GABRG3: variants seen among roughly 807,000 people sequenced by gnomAD.
The protein encoded by GABRG3 is gamma-aminobutyric acid type A receptor subunit gamma3.
A neutral mutation model predicts 48.8 loss-of-function variants in GABRG3; 25 were observed. The observed-to-expected ratio is 0.51, with a 90% CI of 0.37 to 0.72. GABRG3 has a LOEUF of 0.72. GABRG3 is among the 30% of genes least tolerant of loss of function. The pLI, the probability that GABRG3 is intolerant of heterozygous loss-of-function variation, is 0.00. For synonymous variants in GABRG3, 227 were observed against 217.6 expected, an observed-to-expected ratio of 1.04 and a Z score of -0.38; for missense variants, 394 against 577.9, an observed-to-expected ratio of 0.68 and a Z score of 3.26.
chr15:27,247,361 G>C (rs1404812413), intron 3 of GABRG3, among the ~76,000 whole-genome samples: 3 of 152,054 alleles, frequency 2.0e-5, no homozygotes, highest in Non-Finnish European at 4.4e-5. Context: ...CCCCTCTCAG[G>C]TGGCCTTGCT....
intron 3 of GABRG3, among the ~76,000 whole-genome samples, chr15:27,174,583 CGTCT>C (rs748338018): frequency 8.2e-6 from 1 of 121,864 alleles, no homozygotes; most frequent in East Asian, 2.6e-4. Context: ...CTCTCTCTCT[CGTCT>C]CTCTCTCTCT....
chr15:27,393,167 A>AC (rs1367974679), intron 5 of GABRG3, among the ~76,000 whole-genome samples: 1 of 151,910 alleles, frequency 6.6e-6, no homozygotes, highest in East Asian at 1.9e-4. Flanking sequence ...ACACGGTGAA[A>AC]CCCCATCTCT....
intron 5 of GABRG3, among the ~76,000 whole-genome samples, chr15:27,427,530 C>T (rs1888328118): frequency 1.3e-5 from 2 of 152,148 alleles, no homozygotes; most frequent in Non-Finnish European, 1.5e-5. Context: ...GTAGGCCTGA[C>T]ACAGAAGAAG....
At chr15:27,176,110 A>G (rs558755503) in intron 3 of GABRG3, among the ~76,000 whole-genome samples, 3 of 152,338 alleles carry the variant, frequency 2.0e-5, no homozygotes, top group Non-Finnish European at 4.4e-5. Flanking sequence ...TGAAAATTAA[A>G]CCAGTTCCTT....
At chr15:27,258,860 A>G (rs1595618870) in intron 3 of GABRG3, among the ~76,000 whole-genome samples, 1 of 152,216 alleles carries the variant, frequency 6.6e-6, no homozygotes, top group Non-Finnish European at 1.5e-5. Context: ...TTATCTGGCC[A>G]TAGTTTTGTA....
rs536864351 is a variant in GABRG3, at chr15:27,319,374, T to A, written c.271-7435T>A. ...GGGTACAGTGGGGCTATGTCAATTA[T>A]TTGGAAAGTGGACTGACTCCTAGTA... On this transcript the variant is annotated intron_variant, in intron 3 of 9. Coordinates refer to ENST00000615808, the MANE Select transcript of GABRG3 (RefSeq NM_033223.5). The surrounding 1 kb of genome is among the most constrained non-coding windows in gnomAD (Gnocchi z 4.4). Among the ~76,000 whole-genome samples the A allele has an allele frequency of 1.3e-5, 2 of 152,166 alleles. No homozygotes were observed. The highest frequency in any genetic ancestry group is 4.8e-5 in the African/African-American group (2 of 41,434).
At chr15:27,241,266 G>C (rs1256646021) in intron 3 of GABRG3, among the ~76,000 whole-genome samples, 1 of 152,186 alleles carries the variant, frequency 6.6e-6, no homozygotes, top group Non-Finnish European at 1.5e-5. Context: ...GAGTGTGAGG[G>C]AATGGGAAAC....
At chr15:27,442,850 G>T (rs1020050383) in intron 5 of GABRG3, among the ~76,000 whole-genome samples, 2 of 152,166 alleles carry the variant, frequency 1.3e-5, no homozygotes, top group African/African-American at 4.8e-5. Context: ...CTTCCAAGGG[G>T]TAGAACTTCA....
chr15:27,383,468 C>G (rs1367486051), intron 5 of GABRG3, among the ~76,000 whole-genome samples: 1 of 152,172 alleles, frequency 6.6e-6, no homozygotes, highest in Non-Finnish European at 1.5e-5. Context: ...GTGTTCCTGT[C>G]TGAAAATTCA....
chr15:27,532,777 A>G lies in GABRG3; in HGVS notation c.1300A>G (p.Ile434Val). 6.2e-7 allele frequency: 1 copy of G among 1,614,036 alleles called. No individual in the cohort carries two copies. ...ATCAGGATCCTGGAGGAAAGGGCGTATTCACATAGACATCTTGGAGCTGGA... is the reference window on the plus strand; with the variant it reads ...ATCAGGATCCTGGAGGAAAGGGCGTGTTCACATAGACATCTTGGAGCTGGA... The part of the protein sequence containing the change: ...CKSGSWRKGR[I>V]HIDILELDSY... Residue 434 changes from isoleucine to valine, a missense_variant, in exon 10 of 10, where the codon ATT (isoleucine) becomes GTT (valine). Around this residue, in one of 3 missense-constraint regions of GABRG3, gnomAD observed 126 missense variants for 155.5 expected, o/e 0.81. Coordinates refer to ENST00000615808, the MANE Select transcript of GABRG3 (RefSeq NM_033223.5).
At chr15:27,233,344 A>T (rs372083178) in intron 3 of GABRG3, among the ~76,000 whole-genome samples, 1 of 152,076 alleles carries the variant, frequency 6.6e-6, no homozygotes, top group East Asian at 1.9e-4. Flanking sequence ...TCAGCTCAGG[A>T]TGCTCTAACA....
At chr15:27,494,420 G>A (rs1301386305) in intron 6 of GABRG3, among the ~76,000 whole-genome samples, 2 of 152,010 alleles carry the variant, frequency 1.3e-5, no homozygotes, top group Non-Finnish European at 2.9e-5. Context: ...TAGAATTGGT[G>A]TTAATTCTTC....
chr15:27,320,556 C>G (rs567725886), intron 3 of GABRG3, among the ~76,000 whole-genome samples: 2 of 152,252 alleles, frequency 1.3e-5, no homozygotes, highest in East Asian at 3.9e-4. Context: ...TTTAAGTAAA[C>G]TTCTAAAAAC....
At chr15:27,221,339 A>G (rs752913281) in intron 3 of GABRG3, among the ~76,000 whole-genome samples, 1 of 152,074 alleles carries the variant, frequency 6.6e-6, no homozygotes, top group African/African-American at 2.4e-5. Flanking sequence ...CCAGTTCCCC[A>G]TGCGTTATTA....
At chr15:27,475,656 ATGT>A (rs1363644995) in intron 5 of GABRG3, among the ~76,000 whole-genome samples, 1 of 151,294 alleles carries the variant, frequency 6.6e-6, no homozygotes, top group Non-Finnish European at 1.5e-5. Context: ...GATAGTGATG[ATGT>A]TGGTGATAGT....
At chr15:27,306,358 T>G (rs1307035172) in intron 3 of GABRG3, among the ~76,000 whole-genome samples, 2 of 97,002 alleles carry the variant, frequency 2.1e-5, no homozygotes, top group Non-Finnish European at 5.1e-5. Flanking sequence ...TGTCTACATA[T>G]AAACATATAT....
chr15:27,084,080 G>A (rs578172502), intron 3 of GABRG3, among the ~76,000 whole-genome samples: 14 of 152,326 alleles, frequency 9.2e-5, no homozygotes, highest in Admixed American at 7.8e-4. Flanking sequence ...CTGGGTCCCA[G>A]TAGGCAAACG....
chr15:27,106,434 G>A (rs1429066701), intron 3 of GABRG3, among the ~76,000 whole-genome samples: 1 of 151,684 alleles, frequency 6.6e-6, no homozygotes, highest in Non-Finnish European at 1.5e-5. Flanking sequence ...GAGCAGTCCT[G>A]CAGGAAAGAA....
intron 5 of GABRG3, among the ~76,000 whole-genome samples, chr15:27,336,833 G>T (rs1425279055): frequency 6.6e-6 from 1 of 152,188 alleles, no homozygotes; most frequent in Non-Finnish European, 1.5e-5. Flanking sequence ...TACTCCACAA[G>T]AAAAACAAAT....
Sources: gnomAD v4.1 joint callset for allele counts (sites outside exome capture counted in the v4.1 genomes callset) on GRCh38, gnomAD v4.1.1 for gene constraint, gnomAD v4.1.1 regional missense constraint, Gnocchi (gnomAD v3.1) non-coding constraint, MANE v1.5 for transcripts, NCBI Gene and HGNC (gene_info 2026-07-23, HGNC 2026-07-21) for gene names.